The following SPOCK3 variants were observed in gnomAD, a reference collection of about 807,000 sequenced individuals.
SPOCK3 encodes SPARC (osteonectin), cwcv and kazal like domains proteoglycan 3, also known as testican-3.
A neutral mutation model predicts 56.6 loss-of-function variants in SPOCK3; 30 were observed. That is an observed-to-expected ratio of 0.53 (90% CI 0.40 to 0.72). SPOCK3 has a LOEUF of 0.72. Among genes scored for constraint, SPOCK3 ranks in the 30% least tolerant of loss-of-function variants. The pLI is 0.00. For missense variants in SPOCK3, 527 were observed against 530.0 expected, an observed-to-expected ratio of 0.99 and a Z score of 0.06; for synonymous variants, 196 against 183.3, an observed-to-expected ratio of 1.07 and a Z score of -0.56.
intron 4 of SPOCK3, among the ~76,000 whole-genome samples, chr4:166,921,156 G>A (rs978258446): frequency 6.6e-6 from 1 of 152,130 alleles, no homozygotes; most frequent in Non-Finnish European, 1.5e-5. Flanking sequence ...AGCTCTGACA[G>A]CTATATTTGA....
chr4:166,835,369 C>T (rs1379008786), intron 6 of SPOCK3, among the ~76,000 whole-genome samples: 6 of 151,982 alleles, frequency 3.9e-5, no homozygotes, highest in African/African-American at 1.4e-4. Context: ...TATTCAAAAA[C>T]AATATTTAAG....
intron 6 of SPOCK3, among the ~76,000 whole-genome samples, chr4:166,842,252 T>A (rs1560919509): frequency 6.6e-6 from 1 of 152,248 alleles, no homozygotes; most frequent in Non-Finnish European, 1.5e-5. Flanking sequence ...TTGCTTTTGC[T>A]GGCTCTGGCA....
At chr4:166,914,577 C>G (rs148880481) in intron 4 of SPOCK3, among the ~76,000 whole-genome samples, 7,508 of 152,176 alleles carry the variant, frequency 0.049, 261 homozygotes, top group Non-Finnish European at 0.065. Context: ...TTGAGACCAG[C>G]CTGACCAACA....
At chr4:167,067,123 C>T (rs1475642509) in intron 2 of SPOCK3, among the ~76,000 whole-genome samples, 1 of 151,730 alleles carries the variant, frequency 6.6e-6, no homozygotes, top group Admixed American at 6.6e-5. Flanking sequence ...TCCATAAATG[C>T]CTACCGATGA....
chr4:166,989,968 A>G (rs1353905179), intron 4 of SPOCK3, among the ~76,000 whole-genome samples: 3 of 152,110 alleles, frequency 2.0e-5, no homozygotes, highest in African/African-American at 7.2e-5. Context: ...GTAGAAAGGG[A>G]AGGGGGAAGC....
intron 3 of SPOCK3, among the ~76,000 whole-genome samples, chr4:167,004,825 G>A (rs1158081780): frequency 6.6e-6 from 1 of 152,156 alleles, no homozygotes; most frequent in Non-Finnish European, 1.5e-5. Context: ...AATACAGCAA[G>A]TTTAGTTGTG....
intron 2 of SPOCK3, among the ~76,000 whole-genome samples, chr4:167,229,160 A>T (rs1462366849): frequency 6.6e-6 from 1 of 152,186 alleles, no homozygotes; most frequent in Non-Finnish European, 1.5e-5. Context: ...ATTATTGAGA[A>T]AGCATTCTTA....
At position 167,053,651 on chromosome 4, in the gene SPOCK3, C is replaced by T. The variant is rs1445820229; in HGVS notation, c.235+8841G>A. 3.3e-5 allele frequency among the ~76,000 whole-genome samples: 5 copies of T among 151,984 alleles called. No individual in the cohort carries two copies. In the East Asian group the frequency reaches 9.6e-4, roughly 29 times the overall value. On this transcript the variant is annotated intron_variant, in intron 3 of 10. Transcript: ENST00000357545. ...AATGAGCCGAGATCAGGCCACTGCA[C>T]TCCAGCCTGGGCGACAGAGTGAGAC...
chr4:167,055,029 G>A (rs10010502), intron 3 of SPOCK3, among the ~76,000 whole-genome samples: 6,224 of 151,996 alleles, frequency 0.041, 177 homozygotes, highest in Middle Eastern at 0.068. Flanking sequence ...TGCATTCTAT[G>A]GAAATTGAAG....
At chr4:167,051,024 T>C (rs1580126813) in intron 3 of SPOCK3, among the ~76,000 whole-genome samples, 1 of 152,278 alleles carries the variant, frequency 6.6e-6, no homozygotes, top group East Asian at 1.9e-4. Flanking sequence ...TGCAAAACGA[T>C]ATGAATGTAC....
At chr4:166,954,056 C>A (rs1215976313) in intron 4 of SPOCK3, among the ~76,000 whole-genome samples, 1 of 151,840 alleles carries the variant, frequency 6.6e-6, no homozygotes, top group Non-Finnish European at 1.5e-5. Context: ...GCACATTGTG[C>A]ACATGTACCC....
chr4:167,172,635 A>T (rs1400608031), intron 2 of SPOCK3, among the ~76,000 whole-genome samples: 1 of 152,138 alleles, frequency 6.6e-6, no homozygotes, highest in African/African-American at 2.4e-5. Context: ...AGTTTTTATT[A>T]TACTCAAGTT....
chr4:166,860,203 T>C (rs1237845971), intron 6 of SPOCK3, among the ~76,000 whole-genome samples: 1 of 152,164 alleles, frequency 6.6e-6, no homozygotes, highest in African/African-American at 2.4e-5. Flanking sequence ...GGGAAGATTA[T>C]GCATGGAATG....
chr4:167,090,238 G>T (rs1758586519), intron 2 of SPOCK3, among the ~76,000 whole-genome samples: 2 of 151,942 alleles, frequency 1.3e-5, no homozygotes, highest in South Asian at 4.2e-4. Context: ...CATTCCCAGG[G>T]GTAATGTGTA....
intron 4 of SPOCK3, among the ~76,000 whole-genome samples, chr4:166,984,496 A>G (rs1333066107): frequency 1.3e-5 from 2 of 152,116 alleles, no homozygotes; most frequent in African/African-American, 4.8e-5. Flanking sequence ...ATTTATAAGA[A>G]AATACTGGGA....
intron 2 of SPOCK3, among the ~76,000 whole-genome samples, chr4:167,116,121 T>C (rs1440677506): frequency 6.6e-6 from 1 of 151,830 alleles, no homozygotes. Context: ...GTAAATAAAA[T>C]GACTTATGCA....
At chr4:166,753,022 A>G (rs1674475397) in intron 8 of SPOCK3, among the ~76,000 whole-genome samples, 1 of 151,958 alleles carries the variant, frequency 6.6e-6, no homozygotes, top group South Asian at 2.1e-4. Context: ...CATAGATAAC[A>G]TAAAATTTTT....
chr4:167,083,155 T>C, intron 2 of SPOCK3: 1 of 764,392 alleles, frequency 1.3e-6, no homozygotes, highest in Non-Finnish European at 2.4e-6. Flanking sequence ...CCCTAGGCTG[T>C]TCTTCCTACA....
intron 3 of SPOCK3, among the ~76,000 whole-genome samples, chr4:167,036,475 CA>C (rs781678197): frequency 6.6e-6 from 1 of 151,978 alleles, no homozygotes; most frequent in Non-Finnish European, 1.5e-5. Context: ...AAGAAATACA[CA>C]AAAAAACAAT....
Sources: gnomAD v4.1 joint callset for allele counts (sites outside exome capture counted in the v4.1 genomes callset) on GRCh38, gnomAD v4.1.1 for gene constraint, MANE v1.5 for transcripts, NCBI Gene and HGNC (gene_info 2026-07-23, HGNC 2026-07-21) for gene names.